The following ST18 variants were observed in gnomAD, a reference collection of about 807,000 sequenced individuals.
ST18 encodes the protein ST18 C2H2C-type zinc finger transcription factor.
In ST18, 50 loss-of-function variants were observed where a neutral mutation model predicts 110.0. The observed-to-expected ratio is 0.45, with a 90% CI of 0.36 to 0.58. The LOEUF is 0.58. Among genes scored for constraint, ST18 ranks in the 20% least tolerant of loss-of-function variants. ST18 has a pLI of 0.00. For synonymous variants in ST18, 461 were observed against 452.4 expected, an observed-to-expected ratio of 1.02 and a Z score of -0.24; for missense variants, 1,306 against 1,280.1, an observed-to-expected ratio of 1.02 and a Z score of -0.31.
intron 14 of ST18, 76 bp from the exon 15 acceptor site, chr8:52,159,185 T>C (rs1465387895): frequency 9.0e-6 from 12 of 1,340,714 alleles, no homozygotes; most frequent in Non-Finnish European, 1.2e-5. Context: ...TTTTTAAAAA[T>C]GTAACTTCTT....
chr8:52,116,349 T>C lies in ST18; in HGVS notation c.2929A>G (p.Ser977Gly). Residue 977 changes from serine to glycine, a missense_variant, in exon 25 of 26, where the codon AGT becomes GGT. By Grantham distance (56) the Ser-to-Gly change is moderately conservative. Transcript: ENST00000689386. ...ENKLIEQNNE[S>G]LLKELAGLSQ... ...AGACCTGCCAGCTCTTTCAGCAGAC[T>C]TTCATTGTTCTGTTCTATGAGTTTG... 1 of 1,614,054 alleles carries C rather than the reference T, an allele frequency of 6.2e-7. No individual in the cohort carries two copies. Among genetic ancestry groups the C allele is most frequent in the South Asian group, 1.1e-5 (1 of 91,070 alleles).
At chr8:52,167,084 GT>G in intron 10 of ST18, 98 bp from the exon 11 acceptor site, 1 of 1,452,788 alleles carries the variant, frequency 6.9e-7, no homozygotes, top group Non-Finnish European at 9.3e-7. Flanking sequence ...ACTTTATTCA[GT>G]TTTACCGTTA....
chr8:52,267,636 C>G (rs1286904166), intron 2 of ST18, among the ~76,000 whole-genome samples: 1 of 151,988 alleles, frequency 6.6e-6, no homozygotes, highest in East Asian at 1.9e-4. Context: ...CTTAGCCAAA[C>G]AAAAAAGCAC....
chr8:52,367,103 A>C (rs1456158484), intron 2 of ST18, among the ~76,000 whole-genome samples: 1 of 152,106 alleles, frequency 6.6e-6, no homozygotes, highest in Admixed American at 6.6e-5. Flanking sequence ...GTGGTGGTGC[A>C]TGCCGGTAAT....
intron 8 of ST18, among the ~76,000 whole-genome samples, chr8:52,185,185 C>T (rs1427106896): frequency 6.6e-6 from 1 of 151,958 alleles, no homozygotes; most frequent in African/African-American, 2.4e-5. Context: ...AAAACATTTA[C>T]AATAGCATAG....
intron 2 of ST18, among the ~76,000 whole-genome samples, chr8:52,239,124 A>G (rs1404811686): frequency 6.6e-6 from 1 of 152,232 alleles, no homozygotes; most frequent in African/African-American, 2.4e-5. Context: ...TTTATATGAA[A>G]TGCCCAGAAT....
At position 52,287,253 on chromosome 8, in the gene ST18, G is replaced by C. The variant is rs189515566; in HGVS notation, c.-464-57176C>G. Among the ~76,000 whole-genome samples, 9 of 152,230 alleles carry C rather than the reference G, an allele frequency of 5.9e-5. No homozygotes were observed. In the South Asian group the frequency reaches 1.7e-3, roughly 28 times the overall value. Reference sequence around the variant, plus strand: ...ATAGAACCTATCCACAATACCAAAGGTTTTGCAAGCGTTGCTGAACATTTT... The same window carrying C: ...ATAGAACCTATCCACAATACCAAAGCTTTTGCAAGCGTTGCTGAACATTTT... On this transcript the variant is annotated intron_variant, in intron 2 of 25. Transcript: ENST00000689386.
intron 2 of ST18, among the ~76,000 whole-genome samples, chr8:52,334,086 T>C (rs1415413249): frequency 6.6e-6 from 1 of 152,210 alleles, no homozygotes; most frequent in African/African-American, 2.4e-5. Context: ...AACAGACACA[T>C]GCTGTACATT....
intron 22 of ST18, among the ~76,000 whole-genome samples, chr8:52,131,501 C>A (rs574874098): frequency 6.6e-6 from 1 of 152,152 alleles, no homozygotes. Context: ...CTGGCTGCTG[C>A]GGATGAGTCA....
intron 2 of ST18, among the ~76,000 whole-genome samples, chr8:52,279,246 A>C (rs538174327): frequency 3.9e-5 from 6 of 152,286 alleles, no homozygotes; most frequent in African/African-American, 1.4e-4. Context: ...AGAATTAAGC[A>C]TAACATCTAG....
chr8:52,121,885 C>T (rs1290596352), intron 23 of ST18, among the ~76,000 whole-genome samples: 1 of 152,196 alleles, frequency 6.6e-6, no homozygotes, highest in Non-Finnish European at 1.5e-5. Flanking sequence ...CTCACTCTGT[C>T]ACCAGGCTGC....
At chr8:52,166,807 T>C in intron 11 of ST18, 45 bp downstream of exon 11, 6 of 1,469,700 alleles carry the variant, frequency 4.1e-6, no homozygotes, top group Non-Finnish European at 4.5e-6. Context: ...ATCTTGATGA[T>C]CTGGCGTGCA....
At chr8:52,402,610 C>A (rs1242629131) in intron 2 of ST18, among the ~76,000 whole-genome samples, 2 of 152,148 alleles carry the variant, frequency 1.3e-5, no homozygotes, top group Non-Finnish European at 2.9e-5. Flanking sequence ...ACTCAGGCAT[C>A]AGAAGTGGGG....
At chr8:52,141,126 A>G (rs1444262967) in intron 17 of ST18, among the ~76,000 whole-genome samples, 2 of 152,234 alleles carry the variant, frequency 1.3e-5, no homozygotes, top group South Asian at 2.1e-4. Context: ...TCAAGTTTAC[A>G]AGGGAGAATG....
intron 16 of ST18, among the ~76,000 whole-genome samples, chr8:52,147,915 T>C (rs1435203364): frequency 6.6e-6 from 1 of 152,180 alleles, no homozygotes; most frequent in Non-Finnish European, 1.5e-5. Flanking sequence ...TTTGATCTCA[T>C]CACAATTGTG....
At chr8:52,113,829 C>T (rs2041340032) in intron 25 of ST18, among the ~76,000 whole-genome samples, 1 of 151,932 alleles carries the variant, frequency 6.6e-6, no homozygotes, top group Non-Finnish European at 1.5e-5. Context: ...AAATTTTCCT[C>T]CTCCATCCTC....
chr8:52,223,318 T>C (rs2087709089), intron 3 of ST18, among the ~76,000 whole-genome samples: 1 of 152,246 alleles, frequency 6.6e-6, no homozygotes, highest in Non-Finnish European at 1.5e-5. Flanking sequence ...ACATGTTAAT[T>C]GTATCCCCAA....
At chr8:52,333,241 C>T in intron 2 of ST18, among the ~76,000 whole-genome samples, 1 of 151,612 alleles carries the variant, frequency 6.6e-6, no homozygotes, top group East Asian at 1.9e-4. Flanking sequence ...GGAAAGTTTT[C>T]TGCAGTTTCT....
chr8:52,133,375 A>G, intron 19 of ST18, 74 bp from the exon 20 acceptor site: 2 of 1,536,994 alleles, frequency 1.3e-6, no homozygotes, highest in Non-Finnish European at 1.8e-6. Flanking sequence ...CAAGTTATTT[A>G]GGTTCTTCAG....
Sources: allele counts gnomAD v4.1 joint callset (sites outside exome capture counted in the v4.1 genomes callset), GRCh38; gene constraint gnomAD v4.1.1; transcripts MANE v1.5; gene names NCBI Gene and HGNC (gene_info 2026-07-23, HGNC 2026-07-21).